Variants in PIK3C2G observed in about 807,000 individuals in gnomAD.
PIK3C2G encodes the protein phosphatidylinositol 3-kinase C2 domain-containing subunit gamma.
PIK3C2G carries 168 observed loss-of-function variants against 181.1 expected under a neutral mutation model. The observed-to-expected ratio is 0.93, with a 90% CI of 0.82 to 1.05. The LOEUF is 1.05. PIK3C2G is among the 50% of genes least tolerant of loss of function. The pLI, the probability that PIK3C2G is intolerant of heterozygous loss-of-function variation, is 0.00. For synonymous variants in PIK3C2G, 573 were observed against 592.2 expected (o/e 0.97, Z 0.47); for missense variants, 1,869 against 1,732.8 (o/e 1.08, Z -1.40).
At chr12:18,589,898 G>T (rs1946986288) in intron 29 of PIK3C2G, among the ~76,000 whole-genome samples, 1 of 151,832 alleles carries the variant, frequency 6.6e-6, no homozygotes, top group Non-Finnish European at 1.5e-5. Flanking sequence ...GCTAGAAGAG[G>T]AATGTCCTCT....
intron 1 of PIK3C2G, among the ~76,000 whole-genome samples, chr12:18,264,526 T>G (rs1227977880): frequency 6.6e-6 from 1 of 152,186 alleles, no homozygotes; most frequent in East Asian, 1.9e-4. Context: ...TGTTGAGTAT[T>G]GGCTTATATT....
chr12:18,257,692 AAG>A (rs1230097499), upstream of PIK3C2G, among the ~76,000 whole-genome samples: 4 of 151,008 alleles, frequency 2.6e-5, no homozygotes, highest in Non-Finnish European at 5.9e-5. Flanking sequence ...AAGAAGAAAA[AAG>A]AAAGAAGACA....
chr12:18,711,610 AAGG>A, the PIK3C2G span, among the ~76,000 whole-genome samples: 1 of 151,420 alleles, frequency 6.6e-6, no homozygotes, highest in African/African-American at 2.4e-5. Flanking sequence ...GGACTGAGAG[AAGG>A]AGAAGTAGGT....
chr12:18,484,232 G>C (rs1437582508), intron 18 of PIK3C2G, among the ~76,000 whole-genome samples: 1 of 152,126 alleles, frequency 6.6e-6, no homozygotes, highest in Non-Finnish European at 1.5e-5. Context: ...AAAACATGGA[G>C]CTGGGAACAA....
rs746973553 is a variant in PIK3C2G at position 18,381,802 on chromosome 12, A to G, written c.1917A>G (p.Thr639=). ...TCGGGTCTATGCTGTTCAGCATGAC[A>G]TTACAGAGTGAGCCTCCCGTAGAAA... ...SILGSMLFSM[T]LQSEPPVEMI... The change falls in exon 14 of 33, where the codon ACA becomes ACG. Residue 639 remains threonine (T), a synonymous_variant. Transcript: ENST00000538779. The G allele has an allele frequency of 5.8e-5, 94 of 1,613,560 alleles. No individual in the cohort carries two copies. In the South Asian group the frequency reaches 9.3e-4, roughly 16 times the overall value.
chr12:18,411,756 A>G (rs181481781), intron 16 of PIK3C2G, among the ~76,000 whole-genome samples: 221 of 152,282 alleles, frequency 1.5e-3, no homozygotes, highest in Admixed American at 2.3e-3. Flanking sequence ...GAAGTCTGAC[A>G]TTTCCATTAC....
At chr12:18,534,642 A>G (rs1943743213) in intron 24 of PIK3C2G, among the ~76,000 whole-genome samples, 1 of 151,724 alleles carries the variant, frequency 6.6e-6, no homozygotes, top group African/African-American at 2.4e-5. Flanking sequence ...ATATAAAAGG[A>G]AGGTGGACTA....
At chr12:18,472,635 AT>A (rs1419196029) in intron 18 of PIK3C2G, among the ~76,000 whole-genome samples, 3 of 152,180 alleles carry the variant, frequency 2.0e-5, no homozygotes, top group East Asian at 1.9e-4. Flanking sequence ...ACAGCAAATA[AT>A]TTTTTCTCTC....
intron 5 of PIK3C2G, among the ~76,000 whole-genome samples, chr12:18,299,676 GT>G (rs1322279288): frequency 1.3e-5 from 2 of 151,780 alleles, no homozygotes; most frequent in Non-Finnish European, 2.9e-5. Context: ...TTAATGGTGG[GT>G]TTGTCATATT....
the PIK3C2G span, chr12:18,695,100 G>T: frequency 1.2e-6 from 2 of 1,603,558 alleles, no homozygotes; most frequent in South Asian, 1.1e-5. Context: ...GAAGTATTTT[G>T]ACATTGTCAG....
chr12:18,331,690 A>G (rs187890946), intron 8 of PIK3C2G, among the ~76,000 whole-genome samples: 6 of 152,178 alleles, frequency 3.9e-5, no homozygotes, highest in East Asian at 3.9e-4. Context: ...TGAGTCTCCA[A>G]TAGGATTTTA....
At chr12:18,584,550 A>C (rs1946675640) in intron 29 of PIK3C2G, among the ~76,000 whole-genome samples, 1 of 152,174 alleles carries the variant, frequency 6.6e-6, no homozygotes, top group South Asian at 2.1e-4. Context: ...TCAAGTAAAG[A>C]AGCCAAATCT....
At chr12:18,488,039 T>G (rs146292897) in intron 18 of PIK3C2G, among the ~76,000 whole-genome samples, 212 of 152,224 alleles carry the variant, frequency 1.4e-3, no homozygotes, top group African/African-American at 4.8e-3. Context: ...TATTATCATT[T>G]GAAGGAAACA....
chr12:18,377,076 A>G (rs1403046340), intron 13 of PIK3C2G, among the ~76,000 whole-genome samples: 1 of 152,244 alleles, frequency 6.6e-6, no homozygotes, highest in East Asian at 1.9e-4. Flanking sequence ...GAAACCTGTT[A>G]GACATAATAA....
intron 11 of PIK3C2G, among the ~76,000 whole-genome samples, chr12:18,355,773 A>G (rs758068503): frequency 2.0e-5 from 3 of 152,204 alleles, no homozygotes; most frequent in Non-Finnish European, 2.9e-5. Flanking sequence ...TTGGGGTCAT[A>G]CCTCTAAGAA....
At chr12:18,315,958 G>A (rs1380510368) in intron 6 of PIK3C2G, among the ~76,000 whole-genome samples, 3 of 151,654 alleles carry the variant, frequency 2.0e-5, no homozygotes, top group Non-Finnish European at 4.4e-5. Context: ...GTAGCTCAAA[G>A]TCTGGGGCAT....
intron 18 of PIK3C2G, among the ~76,000 whole-genome samples, chr12:18,472,587 T>C (rs996105586): frequency 6.6e-6 from 1 of 152,186 alleles, no homozygotes; most frequent in Non-Finnish European, 1.5e-5. Flanking sequence ...TTTAGTATTA[T>C]ATACATTCAT....
chr12:18,305,933 CT>C (rs71061297), intron 5 of PIK3C2G, among the ~76,000 whole-genome samples: 490 of 143,798 alleles, frequency 3.4e-3, no homozygotes, highest in African/African-American at 8.2e-3. Context: ...CCATTGTTAT[CT>C]TTTTTTTTTT....
intron 18 of PIK3C2G, among the ~76,000 whole-genome samples, chr12:18,434,831 C>T (rs968851117): frequency 6.6e-6 from 1 of 152,160 alleles, no homozygotes; most frequent in Non-Finnish European, 1.5e-5. Context: ...TTTTCAAAAA[C>T]CAAAATTAGT....
Sources: gnomAD v4.1 joint callset for allele counts (sites outside exome capture counted in the v4.1 genomes callset) on GRCh38, gnomAD v4.1.1 for gene constraint, MANE v1.5 for transcripts, NCBI Gene and HGNC (gene_info 2026-07-23, HGNC 2026-07-21) for gene names.